AUTS2: variants seen among roughly 807,000 people sequenced by gnomAD.
AUTS2 encodes autism susceptibility gene 2 protein.
AUTS2 carries 17 observed loss-of-function variants against 112.4 expected under a neutral mutation model. The observed-to-expected ratio is 0.15, with a 90% CI of 0.10 to 0.23. The LOEUF (loss-of-function observed/expected upper bound fraction) is 0.23. AUTS2 is among the 10% of genes least tolerant of loss of function. AUTS2 has a pLI of 1.00. For missense variants in AUTS2, 1,510 were observed against 1,701.6 expected (o/e 0.89, Z 1.98); for synonymous variants, 751 against 702.7 (o/e 1.07, Z -1.09).
Position 70,090,009 on chromosome 7 carries a change from CAAATAAATAAAT to C in AUTS2, c.523-28098_523-28087del, listed in dbSNP as rs34279658. ...GAAAGACAGAGAGACTGTTTCAAAACAAATAAATAAATAAATAAATAAATAAATAAATAAATT... is the reference window on the plus strand; with the variant it reads ...GAAAGACAGAGAGACTGTTTCAAAACAAATAAATAAATAAATAAATAAATT... On this transcript the variant is annotated intron_variant, in intron 2 of 18. Transcript: ENST00000342771. Among the ~76,000 whole-genome samples, 837 of 144,408 alleles carry C rather than the reference CAAATAAATAAAT, an allele frequency of 5.8e-3. 7 individuals carry two copies. The highest frequency in any genetic ancestry group is 0.025 in the Admixed American group (362 of 14,448). The allele number at this position is 144,408 out of a possible 152,430, so 94.7% of individuals were successfully genotyped here.
chr7:70,296,859 TGA>T (rs1788961544), intron 4 of AUTS2, among the ~76,000 whole-genome samples: 1 of 140,532 alleles, frequency 7.1e-6, no homozygotes, highest in African/African-American at 2.6e-5. Flanking sequence ...TTTTTTTTTT[TGA>T]GACAGTGTCT....
At chr7:70,392,829 A>G (rs1250579218) in intron 4 of AUTS2, among the ~76,000 whole-genome samples, 2 of 152,154 alleles carry the variant, frequency 1.3e-5, no homozygotes, top group African/African-American at 4.8e-5. Context: ...AACCCTCTAA[A>G]CAAACTGAGT....
Position 70,531,811 on chromosome 7 carries a change from G to T in AUTS2, c.690+96030G>T, listed in dbSNP as rs1054437441. ...ACCATATCAAGGATGAAAGGAGAGG[G>T]TGTCAGTTAGCTTTTGTTATATAAC... On this transcript the variant is annotated intron_variant, in intron 5 of 18. Transcript: ENST00000342771. Among the ~76,000 whole-genome samples, 19 of 152,112 alleles carry T rather than the reference G, an allele frequency of 1.2e-4. 1 individual carries two copies. Among genetic ancestry groups the T allele is most frequent in the African/African-American group, 4.6e-4 (19 of 41,416 alleles).
chr7:69,700,486 T>G (rs1797759296), intron 1 of AUTS2, among the ~76,000 whole-genome samples: 1 of 152,148 alleles, frequency 6.6e-6, no homozygotes, highest in African/African-American at 2.4e-5. Context: ...ATTCTGTGGC[T>G]TGTCATAGGT....
At chr7:69,963,228 A>C (rs1797501212) in intron 2 of AUTS2, among the ~76,000 whole-genome samples, 1 of 152,164 alleles carries the variant, frequency 6.6e-6, no homozygotes, top group African/African-American at 2.4e-5. Flanking sequence ...TAATAATAAT[A>C]AGAGCCCACT....
intron 2 of AUTS2, among the ~76,000 whole-genome samples, chr7:69,963,834 C>T (rs1797525787): frequency 6.6e-6 from 1 of 152,146 alleles, no homozygotes; most frequent in African/African-American, 2.4e-5. Context: ...AAAGCTCTTA[C>T]ATGTAACCAC....
chr7:70,264,931 G>A (rs1160061652), intron 4 of AUTS2, among the ~76,000 whole-genome samples: 3 of 152,164 alleles, frequency 2.0e-5, no homozygotes, highest in Non-Finnish European at 2.9e-5. Context: ...CTTCTAAGAA[G>A]CAGCAATAAG....
At chr7:70,338,451 T>C (rs1791095001) in intron 4 of AUTS2, among the ~76,000 whole-genome samples, 1 of 152,210 alleles carries the variant, frequency 6.6e-6, no homozygotes, top group Non-Finnish European at 1.5e-5. Flanking sequence ...CAAGAAGTTT[T>C]CTCTTTAAAG....
chr7:70,494,549 C>G (rs1010109072), intron 5 of AUTS2, among the ~76,000 whole-genome samples: 7 of 151,986 alleles, frequency 4.6e-5, no homozygotes, highest in Non-Finnish European at 7.4e-5. Context: ...TTTCTTTTAA[C>G]GAGTGTCCCC....
At chr7:70,096,599 TAAAAAAA>T (rs374942971) in intron 2 of AUTS2, among the ~76,000 whole-genome samples, 3 of 84,704 alleles carry the variant, frequency 3.5e-5, no homozygotes, top group Admixed American at 1.4e-4. Flanking sequence ...AACTCCATCT[TAAAAAAA>T]AAAAAAAAAA....
chr7:69,810,512 G>GT (rs970750254), intron 1 of AUTS2, among the ~76,000 whole-genome samples: 2 of 151,090 alleles, frequency 1.3e-5, no homozygotes, highest in African/African-American at 2.4e-5. Context: ...GGGAGCCTCA[G>GT]TTTTTTTTTG....
At chr7:70,579,603 C>T (rs1199432272) in intron 5 of AUTS2, among the ~76,000 whole-genome samples, 1 of 152,132 alleles carries the variant, frequency 6.6e-6, no homozygotes, top group Non-Finnish European at 1.5e-5. Flanking sequence ...CCTACCCTGC[C>T]CAGGGATAAG....
At chr7:69,650,494 T>TG (rs1232257054) in intron 1 of AUTS2, among the ~76,000 whole-genome samples, 1 of 152,178 alleles carries the variant, frequency 6.6e-6, no homozygotes, top group African/African-American at 2.4e-5. Context: ...GGATTACCAG[T>TG]GGGTTATTCA....
rs1322536871 is a variant in AUTS2 at position 69,614,370 on chromosome 7, T to TCTTTCTTTC, written c.309+14408_309+14409insCTTTCTTTC. Among the ~76,000 whole-genome samples the TCTTTCTTTC allele has an allele frequency of 5.3e-3, 150 of 28,520 alleles. 12 individuals are homozygous for TCTTTCTTTC. The highest frequency in any genetic ancestry group is 0.017 in the Middle Eastern group (1 of 58). 18.7% of individuals were successfully genotyped at this position (28,520 alleles called of 152,430 possible). ...TTTCTTTCTTTCTTTCTTTCTTTTT[T>TCTTTCTTTC]TAAGAGATGGGATCTCACTCTGTTT... On this transcript the variant is annotated intron_variant, in intron 1 of 18. Coordinates refer to ENST00000342771, the MANE Select transcript of AUTS2 (RefSeq NM_015570.4).
chr7:70,752,757 A>G (rs894342614), intron 6 of AUTS2, among the ~76,000 whole-genome samples: 1 of 152,210 alleles, frequency 6.6e-6, no homozygotes, highest in East Asian at 1.9e-4. Context: ...TAAGGATGCC[A>G]TACCCACCCC....
chr7:70,297,124 A>G (rs911097988), intron 4 of AUTS2, among the ~76,000 whole-genome samples: 2 of 150,882 alleles, frequency 1.3e-5, no homozygotes, highest in African/African-American at 4.9e-5. Context: ...TTCTGGGATT[A>G]CAGATGTAAG....
rs545005292 is a variant in AUTS2, at chr7:69,987,197, A to G, written c.522+87699A>G. 9.8e-5 allele frequency among the ~76,000 whole-genome samples: 15 copies of G among 152,352 alleles called. 1 individual carries two copies. Among genetic ancestry groups the G allele is most frequent in the African/African-American group, 2.9e-4 (12 of 41,596 alleles). Reference sequence around the variant, plus strand: ...CTACTATAATTTAATTCACTTGACAATCGTAGGACATTGGATCCATAGTTA... The same window carrying G: ...CTACTATAATTTAATTCACTTGACAGTCGTAGGACATTGGATCCATAGTTA... On this transcript the variant is annotated intron_variant, in intron 2 of 18. Transcript: ENST00000342771.
intron 5 of AUTS2, among the ~76,000 whole-genome samples, chr7:70,451,355 G>A (rs1308912609): frequency 5.9e-5 from 9 of 151,848 alleles, no homozygotes; most frequent in African/African-American, 4.8e-5. Flanking sequence ...ATGTACCCCC[G>A]AATCTAAAAT....
intron 1 of AUTS2, among the ~76,000 whole-genome samples, chr7:69,657,148 G>A (rs1343389354): frequency 6.6e-6 from 1 of 152,096 alleles, no homozygotes; most frequent in African/African-American, 2.4e-5. Flanking sequence ...AAAACATCCG[G>A]GCAGACAGTT....
Sources: gnomAD v4.1 joint callset for allele counts (sites outside exome capture counted in the v4.1 genomes callset) on GRCh38, gnomAD v4.1.1 for gene constraint, MANE v1.5 for transcripts, NCBI Gene and HGNC (gene_info 2026-07-23, HGNC 2026-07-21) for gene names.